LARP4B: variants seen among roughly 807,000 people sequenced by gnomAD.
LARP4B encodes the protein La ribonucleoprotein 4B, also known as la-related protein 4B.
A neutral mutation model predicts 89.8 loss-of-function variants in LARP4B; 12 were observed. That is an observed-to-expected ratio of 0.13 (90% CI 0.09 to 0.22). LARP4B has a LOEUF of 0.22. Among genes scored for constraint, LARP4B ranks in the 10% least tolerant of loss-of-function variants. The probability of loss-of-function intolerance (pLI) is 1.00; values close to 1 mark genes in which losing one functional copy is unlikely to be tolerated. For synonymous variants in LARP4B, 367 were observed against 363.3 expected (o/e 1.01, Z -0.12); for missense variants, 757 against 947.7 (o/e 0.80, Z 2.64).
At chr10:948,315 C>T in the LARP4B span, among the ~76,000 whole-genome samples, 1 of 152,206 alleles carries the variant, frequency 6.6e-6, no homozygotes, top group Non-Finnish European at 1.5e-5. Flanking sequence ...GACCTGATCT[C>T]GGCTCCCTGC....
chr10:955,723 T>C, the LARP4B span, among the ~76,000 whole-genome samples: 1 of 152,140 alleles, frequency 6.6e-6, no homozygotes, highest in Admixed American at 6.6e-5. This position sits in a 1 kb window ranked among gnomAD's most constrained non-coding sequence, Gnocchi z 5.2. Context: ...CTGCTTTAAG[T>C]TGAGTTGTAG....
intron 3 of LARP4B, among the ~76,000 whole-genome samples, chr10:883,096 G>A (rs1438321716): frequency 6.6e-6 from 1 of 152,214 alleles, no homozygotes; most frequent in Non-Finnish European, 1.5e-5. Flanking sequence ...ACCACGGAGA[G>A]AACAGGAACT....
intron 5 of LARP4B, among the ~76,000 whole-genome samples, chr10:863,160 T>A (rs879382182): frequency 2.6e-5 from 4 of 151,790 alleles, no homozygotes; most frequent in Non-Finnish European, 4.4e-5. Flanking sequence ...TGTCTTACTC[T>A]CAAATCCAAC....
intron 1 of LARP4B, among the ~76,000 whole-genome samples, chr10:895,142 C>T (rs1489959203): frequency 4.0e-5 from 6 of 151,886 alleles, no homozygotes; most frequent in African/African-American, 9.7e-5. Context: ...GCCAAGATCG[C>T]GCCACTCCAC....
At chr10:931,312 G>GGCCCT (rs987599912) in intron 1 of LARP4B, 116 bp downstream of exon 1, 5 of 151,650 alleles carry the variant, frequency 3.3e-5, no homozygotes, top group African/African-American at 1.2e-4. Context: ...GCCCAGGCCC[G>GGCCCT]GCCCTGCCCG....
chr10:964,444 A>G, the LARP4B span, among the ~76,000 whole-genome samples: 160 of 151,808 alleles, frequency 1.1e-3, no homozygotes, highest in African/African-American at 3.6e-3. Flanking sequence ...CCTGTGGGCT[A>G]GGGCACAGTC....
the LARP4B span, among the ~76,000 whole-genome samples, chr10:947,588 TC>T: frequency 1.3e-5 from 2 of 152,162 alleles, no homozygotes; most frequent in Non-Finnish European, 2.9e-5. Context: ...ATGTAAAAAC[TC>T]CCAAATCATG....
chr10:936,388 G>A (rs1262372814), upstream of LARP4B, among the ~76,000 whole-genome samples: 1 of 152,100 alleles, frequency 6.6e-6, no homozygotes, highest in East Asian at 1.9e-4. Context: ...TCCACGAGAA[G>A]GACACAGGTG....
At chr10:962,195 C>T in the LARP4B span, among the ~76,000 whole-genome samples, 1 of 150,138 alleles carries the variant, frequency 6.7e-6, no homozygotes, top group African/African-American at 2.5e-5. Flanking sequence ...ATTTGGGAGG[C>T]TGAGGCAGGA....
intron 3 of LARP4B, among the ~76,000 whole-genome samples, chr10:871,959 A>G (rs1357971831): frequency 1.3e-5 from 2 of 152,188 alleles, no homozygotes; most frequent in Non-Finnish European, 2.9e-5. Context: ...GTGTCAGTAC[A>G]AAAGCTACCA....
chr10:839,427 A>C (rs1833402642), intron 7 of LARP4B, among the ~76,000 whole-genome samples: 1 of 152,230 alleles, frequency 6.6e-6, no homozygotes, highest in Non-Finnish European at 1.5e-5. Flanking sequence ...ATAAAAAATA[A>C]AGTCTACTTC....
At chr10:919,496 G>T (rs1301700093) in intron 1 of LARP4B, among the ~76,000 whole-genome samples, 1 of 151,696 alleles carries the variant, frequency 6.6e-6, no homozygotes, top group African/African-American at 2.4e-5. Flanking sequence ...GAATAAATGG[G>T]GGGAAAAAAG....
At chr10:943,505 C>A in the LARP4B span, among the ~76,000 whole-genome samples, 2 of 152,114 alleles carry the variant, frequency 1.3e-5, no homozygotes, top group Non-Finnish European at 2.9e-5. Context: ...TCATGGCTCA[C>A]GGCAGCCTCA....
At chr10:876,404 A>C (rs1423708220) in intron 3 of LARP4B, among the ~76,000 whole-genome samples, 1 of 152,202 alleles carries the variant, frequency 6.6e-6, no homozygotes, top group Non-Finnish European at 1.5e-5. Flanking sequence ...GAAAAGAAAA[A>C]AAAATCTATT....
At chr10:945,560 C>T in the LARP4B span, among the ~76,000 whole-genome samples, 4 of 151,822 alleles carry the variant, frequency 2.6e-5, no homozygotes, top group Non-Finnish European at 4.4e-5. Flanking sequence ...TGGTGGCGGG[C>T]GCCTGTAGTC....
intron 1 of LARP4B, among the ~76,000 whole-genome samples, chr10:920,495 C>T (rs1386467469): frequency 6.6e-6 from 1 of 152,156 alleles, no homozygotes; most frequent in African/African-American, 2.4e-5. Context: ...TTAATCAGGC[C>T]AGACACAGTG....
intron 5 of LARP4B, among the ~76,000 whole-genome samples, chr10:863,351 T>C (rs1353084075): frequency 2.0e-5 from 3 of 151,842 alleles, no homozygotes; most frequent in Admixed American, 6.6e-5. Context: ...GCCTCCCAAA[T>C]AGCTGGGACT....
the LARP4B span, among the ~76,000 whole-genome samples, chr10:963,646 A>C: frequency 1.3e-5 from 2 of 152,208 alleles, no homozygotes; most frequent in African/African-American, 2.4e-5. Context: ...AATGTAAGGG[A>C]GTGTCTGAGT....
chr10:908,845 G>A (rs911674827), intron 1 of LARP4B, among the ~76,000 whole-genome samples: 3 of 152,162 alleles, frequency 2.0e-5, no homozygotes, highest in Admixed American at 6.5e-5. Flanking sequence ...ACGTCAAGGA[G>A]TGCAGGCTGC....
Sources: gnomAD v4.1 joint callset for allele counts (sites outside exome capture counted in the v4.1 genomes callset) on GRCh38, gnomAD v4.1.1 for gene constraint, Gnocchi (gnomAD v3.1) non-coding constraint, MANE v1.5 for transcripts, NCBI Gene and HGNC (gene_info 2026-07-23, HGNC 2026-07-21) for gene names.